The following CATSPERB variants were observed in gnomAD, a reference collection of about 807,000 sequenced individuals.
CATSPERB encodes catsper channel auxiliary subunit beta, also known as cation channel sperm-associated auxiliary subunit beta.
A neutral mutation model predicts 128.3 loss-of-function variants in CATSPERB; 93 were observed. The observed-to-expected ratio is 0.72, with a 90% CI of 0.61 to 0.86. The LOEUF (loss-of-function observed/expected upper bound fraction) is 0.86. Among genes scored for constraint, CATSPERB ranks in the 40% least tolerant of loss-of-function variants. CATSPERB has a pLI of 0.00. For synonymous variants in CATSPERB, 381 were observed against 448.8 expected (o/e 0.85, Z 1.91); for missense variants, 1,153 against 1,329.5 (o/e 0.87, Z 2.06).
intron 20 of CATSPERB, among the ~76,000 whole-genome samples, chr14:91,613,554 G>A (rs1893874150): frequency 6.6e-6 from 1 of 152,196 alleles, no homozygotes; most frequent in African/African-American, 2.4e-5. Context: ...GCAGAAGTGA[G>A]CAGGAAGAAG....
At chr14:91,693,581 A>G in intron 7 of CATSPERB, 102 bp from the exon 8 acceptor site, 1 of 740,220 alleles carries the variant, frequency 1.4e-6, no homozygotes, top group Non-Finnish European at 2.4e-6. Context: ...TCTCAGCACT[A>G]TGACTCTCAC....
At chr14:91,660,153 C>G (rs1894852362) in intron 14 of CATSPERB, among the ~76,000 whole-genome samples, 172 bp from the exon 15 acceptor site, 2 of 151,790 alleles carry the variant, frequency 1.3e-5, no homozygotes, top group Admixed American at 1.3e-4. Context: ...CACTCGTATA[C>G]AGACTCCTTA....
chr14:91,677,880 A>C (rs1305742035), intron 11 of CATSPERB, among the ~76,000 whole-genome samples: 2 of 152,234 alleles, frequency 1.3e-5, no homozygotes, highest in African/African-American at 4.8e-5. Flanking sequence ...TACACCATGG[A>C]ATACTATGCA....
intron 17 of CATSPERB, among the ~76,000 whole-genome samples, chr14:91,629,336 C>T (rs941667665): frequency 2.0e-5 from 3 of 152,078 alleles, no homozygotes; most frequent in Non-Finnish European, 4.4e-5. Context: ...ATGGAGACAG[C>T]AAAAAGATCG....
In CATSPERB at chr14:91,581,035, CT is replaced by C. The variant is rs758249753; in HGVS notation, c.3204del (p.Gly1070AspfsTer2). The C allele has an allele frequency of 1.5e-5, 24 of 1,614,064 alleles. No individual in the cohort carries two copies. The highest frequency in any genetic ancestry group is 1.9e-5 in the Non-Finnish European group (23 of 1,180,024). On this transcript the variant is annotated frameshift_variant, in exon 27 of 27. Coordinates refer to ENST00000256343, the MANE Select transcript of CATSPERB (RefSeq NM_024764.4). LOFTEE classifies it low-confidence loss of function (END_TRUNC). ...TLIAVATAVV[L>X]GGLIFIAFMF... The stretch of plus-strand genomic sequence containing the variant: ...ATAAATGCTATAAAAATTAATCCCC[CT>C]AGCACTACCGCTGTTGCCACGGCAA...
chr14:91,693,593 TC>T (rs1895509604), intron 7 of CATSPERB, 114 bp from the exon 8 acceptor site: 2 of 686,982 alleles, frequency 2.9e-6, no homozygotes, highest in African/African-American at 3.6e-5. Flanking sequence ...GACTCTCACT[TC>T]CCAAAGCATT....
intron 22 of CATSPERB, among the ~76,000 whole-genome samples, chr14:91,601,446 A>T (rs1220916411): frequency 6.6e-6 from 1 of 152,200 alleles, no homozygotes; most frequent in East Asian, 1.9e-4. Flanking sequence ...ATGTAAATTA[A>T]GAAGTGATCT....
chr14:91,640,991 G>C (rs1410266326), intron 15 of CATSPERB, among the ~76,000 whole-genome samples: 1 of 147,844 alleles, frequency 6.8e-6, no homozygotes, highest in African/African-American at 2.5e-5. Flanking sequence ...GGCCAGTGAT[G>C]ATGAGCATTT....
At chr14:91,604,686 T>A in intron 22 of CATSPERB, 1 of 1,613,202 alleles carries the variant, frequency 6.2e-7, no homozygotes, top group Non-Finnish European at 8.5e-7. Flanking sequence ...GACTGGATGT[T>A]CTGGGTCTGG....
chr14:91,662,697 A>G (rs185632470), intron 14 of CATSPERB, among the ~76,000 whole-genome samples: 2 of 152,334 alleles, frequency 1.3e-5, no homozygotes, highest in East Asian at 3.9e-4. Context: ...GTTGACCTAC[A>G]CTTTCAACAT....
chr14:91,637,723 T>C (rs1894402915), intron 16 of CATSPERB, among the ~76,000 whole-genome samples: 1 of 152,154 alleles, frequency 6.6e-6, no homozygotes, highest in Non-Finnish European at 1.5e-5. Context: ...CATGCATAGT[T>C]TGTGGAGAGG....
At chr14:91,616,124 G>T (rs780506974) in intron 20 of CATSPERB, among the ~76,000 whole-genome samples, 3 of 151,932 alleles carry the variant, frequency 2.0e-5, no homozygotes, top group African/African-American at 7.3e-5. Flanking sequence ...CAGGTGATCC[G>T]CCCACCTTGG....
chr14:91,723,705 T>C (rs1896070646), intron 3 of CATSPERB, among the ~76,000 whole-genome samples: 1 of 152,166 alleles, frequency 6.6e-6, no homozygotes, highest in Non-Finnish European at 1.5e-5. Context: ...GAGTTTTAGT[T>C]TCCCTAATCT....
At chr14:91,592,407 A>G (rs1025809607) in intron 22 of CATSPERB, 12 of 194,044 alleles carry the variant, frequency 6.2e-5, no homozygotes, top group Non-Finnish European at 1.1e-4. Flanking sequence ...ACTATTTCAT[A>G]CTTGTCTTTC....
intron 26 of CATSPERB, among the ~76,000 whole-genome samples, chr14:91,584,564 T>C (rs1215283835): frequency 6.6e-6 from 1 of 152,246 alleles, no homozygotes; most frequent in Non-Finnish European, 1.5e-5. Context: ...GAATAACTTC[T>C]TTAAGCATTT....
At chr14:91,669,765 AGGT>A (rs1457068754) in intron 14 of CATSPERB, 46 bp downstream of exon 14, 1 of 1,542,620 alleles carries the variant, frequency 6.5e-7, no homozygotes, top group Admixed American at 2.0e-5. Context: ...AGCATACAGT[AGGT>A]GGATGATTTA....
At chr14:91,714,491 T>C (rs1895901754) in intron 5 of CATSPERB, among the ~76,000 whole-genome samples, 1 of 150,200 alleles carries the variant, frequency 6.7e-6, no homozygotes, top group Non-Finnish European at 1.5e-5. Flanking sequence ...ATATGAACAA[T>C]GAACAATTGG....
intron 14 of CATSPERB, among the ~76,000 whole-genome samples, chr14:91,667,831 G>A (rs147849909): frequency 0.011 from 1,651 of 152,276 alleles, 24 homozygotes; most frequent in African/African-American, 0.036. Context: ...CTCTGGAGTT[G>A]GGCAACATGA....
intron 20 of CATSPERB, among the ~76,000 whole-genome samples, chr14:91,614,930 C>T (rs553191484): frequency 1.9e-4 from 29 of 152,226 alleles, no homozygotes; most frequent in African/African-American, 4.3e-4. Flanking sequence ...GTTAACATAG[C>T]CATCACCTTG....
Sources: allele counts gnomAD v4.1 joint callset (sites outside exome capture counted in the v4.1 genomes callset), GRCh38; gene constraint gnomAD v4.1.1; transcripts MANE v1.5; gene names NCBI Gene and HGNC (gene_info 2026-07-23, HGNC 2026-07-21).